SDK2: variants seen among roughly 807,000 people sequenced by gnomAD.
SDK2 encodes protein sidekick-2.
SDK2 carries 105 observed loss-of-function variants against 253.9 expected under a neutral mutation model. The observed-to-expected ratio is 0.41, with a 90% CI of 0.35 to 0.49. The LOEUF is 0.49. SDK2 is among the 20% of genes least tolerant of loss of function. The probability of loss-of-function intolerance (pLI) is 0.06; values close to 1 mark genes in which losing one functional copy is unlikely to be tolerated. For synonymous variants in SDK2, 1,249 were observed against 1,234.9 expected (o/e 1.01, Z -0.24); for missense variants, 2,608 against 3,003.0 (o/e 0.87, Z 3.07).
chr17:73,463,049 G>A (rs1387901049), intron 3 of SDK2, among the ~76,000 whole-genome samples: 3 of 152,208 alleles, frequency 2.0e-5, no homozygotes, highest in African/African-American at 4.8e-5. Flanking sequence ...GGCTAGAGGC[G>A]AGAAGGGAGG....
chr17:73,376,607 A>G (rs1050149753), intron 36 of SDK2, among the ~76,000 whole-genome samples: 1 of 152,182 alleles, frequency 6.6e-6, no homozygotes, highest in African/African-American at 2.4e-5. Context: ...TTTCTGGAGC[A>G]TGTAGGCCTC....
intron 12 of SDK2, among the ~76,000 whole-genome samples, chr17:73,429,629 C>CATCTA (rs1568400564): frequency 1.3e-5 from 2 of 152,252 alleles, no homozygotes. Context: ...GCAGGAGCGC[C>CATCTA]GGCCCCTTCT....
At chr17:73,527,664 C>CA (rs1231245746) in intron 1 of SDK2, among the ~76,000 whole-genome samples, 1 of 152,218 alleles carries the variant, frequency 6.6e-6, no homozygotes, top group Non-Finnish European at 1.5e-5. Context: ...TGGCAGTTTT[C>CA]TGCACCCCTC....
chr17:73,443,288 G>C lies in SDK2; in HGVS notation c.614-2365C>G, dbSNP rs568294653. On this transcript the variant is annotated intron_variant, in intron 5 of 44. Transcript: ENST00000392650. The surrounding 1 kb of genome is among the most constrained non-coding windows in gnomAD (Gnocchi z 4.6). Reference sequence around the variant, plus strand: ...TAAAAAATAAAGTAAAATGAAGGGGGAAAGAAAGGAAGCATATAAAGCAAA... The same window carrying C: ...TAAAAAATAAAGTAAAATGAAGGGGCAAAGAAAGGAAGCATATAAAGCAAA... 1.2e-4 allele frequency among the ~76,000 whole-genome samples: 19 copies of C among 152,246 alleles called. No homozygotes were observed. The highest frequency in any genetic ancestry group is 8.5e-4 in the Admixed American group (13 of 15,288).
chr17:73,565,363 G>A (rs185685382), intron 1 of SDK2, among the ~76,000 whole-genome samples: 2 of 152,320 alleles, frequency 1.3e-5, no homozygotes, highest in African/African-American at 4.8e-5. Flanking sequence ...GGGAGAGCAA[G>A]TTTGGAGTTT....
Position 73,547,511 on chromosome 17 carries a change from C to T in SDK2, c.65-39914G>A, listed in dbSNP as rs139669787. On this transcript the variant is annotated intron_variant, in intron 1 of 44. Transcript: ENST00000392650. ...GGGCTGGTCTGCAGCAAGGAAGCCACCGAAGGGTACAGATCGGGGGATGGG... is the reference window on the plus strand; with the variant it reads ...GGGCTGGTCTGCAGCAAGGAAGCCATCGAAGGGTACAGATCGGGGGATGGG... 2.7e-4 allele frequency among the ~76,000 whole-genome samples: 41 copies of T among 152,328 alleles called. No individual in the cohort carries two copies. In the East Asian group the frequency reaches 7.3e-3, roughly 27 times the overall value.
In SDK2 at chr17:73,612,499, A is replaced by T. The variant is rs2045988945; in HGVS notation, c.64+31526T>A. Among the ~76,000 whole-genome samples, 1 of 152,088 alleles carries T rather than the reference A, an allele frequency of 6.6e-6. No homozygotes were observed. Among genetic ancestry groups the T allele is most frequent in the Admixed American group, 6.6e-5 (1 of 15,264 alleles). ...TGAGGGTAGAAGAGGAGGCCAAGGG[A>T]AGGGAGTTCTGCAGCCGACAAGCCC... On this transcript the variant is annotated intron_variant, in intron 1 of 44. Coordinates refer to ENST00000392650, the MANE Select transcript of SDK2 (RefSeq NM_001144952.2). The surrounding 1 kb of genome is among the most constrained non-coding windows in gnomAD (Gnocchi z 4.4).
At chr17:73,633,124 A>G (rs2046289883) in intron 1 of SDK2, among the ~76,000 whole-genome samples, 1 of 152,134 alleles carries the variant, frequency 6.6e-6, no homozygotes, top group African/African-American at 2.4e-5. Context: ...ATCTACAAAA[A>G]AAATAAAATG....
intron 24 of SDK2, among the ~76,000 whole-genome samples, chr17:73,397,007 G>A (rs1262547761): frequency 1.3e-5 from 2 of 152,208 alleles, no homozygotes; most frequent in African/African-American, 2.4e-5. Context: ...CAAGCTGTCC[G>A]CGCACAGGAA....
chr17:73,626,252 T>A (rs8082629), intron 1 of SDK2, among the ~76,000 whole-genome samples: 3 of 152,188 alleles, frequency 2.0e-5, no homozygotes, highest in Non-Finnish European at 2.9e-5. Flanking sequence ...CAAGTCCTCC[T>A]CTCTTGTCTG....
At chr17:73,414,119 C>T (rs1231727090) in intron 18 of SDK2, among the ~76,000 whole-genome samples, 1 of 151,314 alleles carries the variant, frequency 6.6e-6, no homozygotes, top group Non-Finnish European at 1.5e-5. Flanking sequence ...GCAATCTCGG[C>T]TCACTGCAAC....
Position 73,368,491 on chromosome 17 carries a change from C to T in SDK2, c.5083G>A (p.Ala1695Thr), listed in dbSNP as rs1468120322. 6.2e-7 allele frequency: 1 copy of T among 1,610,564 alleles called. No individual in the cohort carries two copies. The highest frequency in any genetic ancestry group is 1.1e-5 in the South Asian group (1 of 90,118). Residue 1695 changes from alanine (A) to threonine (T), a missense_variant, in exon 37 of 45, where the codon GCC (alanine) becomes ACC (threonine). Transcript: ENST00000392650. ...VKLKNLTGYT[A>T]YMVSVAAFNA... ...AAGGCGGCCACGCTGACCATGTAGGCCGTGTAGCCAGTCAAGTTCTTGAGC... is the reference window on the plus strand; with the variant it reads ...AAGGCGGCCACGCTGACCATGTAGGTCGTGTAGCCAGTCAAGTTCTTGAGC...
chr17:73,410,303 C>CTTTTTGTTTTTG (rs141515190), intron 18 of SDK2, among the ~76,000 whole-genome samples: 1 of 151,752 alleles, frequency 6.6e-6, no homozygotes, highest in Admixed American at 6.6e-5. Context: ...GGTAATATTC[C>CTTTTTGTTTTTG]TTTTTGTTTT....
intron 1 of SDK2, among the ~76,000 whole-genome samples, chr17:73,529,383 A>C (rs77844914): frequency 0.037 from 5,624 of 152,242 alleles, 303 homozygotes; most frequent in African/African-American, 0.11. Context: ...TAGCACCGTC[A>C]ATATGAAGAG....
chr17:73,499,001 C>T (rs2063865104), intron 2 of SDK2, among the ~76,000 whole-genome samples: 1 of 152,196 alleles, frequency 6.6e-6, no homozygotes, highest in Non-Finnish European at 1.5e-5. Context: ...ATAATAATTG[C>T]ACTAGTCTTC....
At chr17:73,633,872 G>T (rs944425265) in intron 1 of SDK2, among the ~76,000 whole-genome samples, 2 of 152,150 alleles carry the variant, frequency 1.3e-5, no homozygotes, top group Non-Finnish European at 2.9e-5. Context: ...GAGGAGAACA[G>T]GGGTTCGAAA....
rs397689294 is a variant in SDK2 at position 73,418,010 on chromosome 17, G to GTTTTTTTTTTTTTT, written c.2186+1142_2186+1155dup. Among the ~76,000 whole-genome samples the GTTTTTTTTTTTTTT allele has an allele frequency of 1.2e-4, 16 of 128,238 alleles. 1 individual carries two copies. The highest frequency in any genetic ancestry group is 1.6e-4 in the Non-Finnish European group (10 of 62,870). The allele number at this position is 128,238 out of a possible 152,430, so 84.1% of individuals were successfully genotyped here. On this transcript the variant is annotated intron_variant, in intron 16 of 44. Transcript: ENST00000392650. ...AGATGCATCAAAGTCTCCTAGATGA[G>GTTTTTTTTTTTTTT]TTTTTTTTTTTTTTTTTTGTTTTTA...
intron 38 of SDK2, among the ~76,000 whole-genome samples, chr17:73,362,309 A>C (rs903437297): frequency 6.6e-6 from 1 of 151,652 alleles, no homozygotes; most frequent in African/African-American, 2.4e-5. Flanking sequence ...GCGGGGACAC[A>C]CTTTTGACCA....
At chr17:73,624,015 C>T (rs1163172145) in intron 1 of SDK2, among the ~76,000 whole-genome samples, 1 of 152,170 alleles carries the variant, frequency 6.6e-6, no homozygotes, top group Non-Finnish European at 1.5e-5. Flanking sequence ...TGGGCAGGGC[C>T]GCTCAGCCTG....
Sources: gnomAD v4.1 joint callset for allele counts (sites outside exome capture counted in the v4.1 genomes callset) on GRCh38, gnomAD v4.1.1 for gene constraint, Gnocchi (gnomAD v3.1) non-coding constraint, MANE v1.5 for transcripts, NCBI Gene and HGNC (gene_info 2026-07-23, HGNC 2026-07-21) for gene names.